The following TAOK3 variants were observed in gnomAD, a reference collection of about 807,000 sequenced individuals.
TAOK3 encodes the protein TAO kinase 3, also known as serine/threonine-protein kinase TAO3.
In TAOK3, 40 loss-of-function variants were observed where a neutral mutation model predicts 120.4. The observed-to-expected ratio is 0.33, with a 90% CI of 0.26 to 0.43. The LOEUF (loss-of-function observed/expected upper bound fraction) is 0.43, where lower values mean the gene tolerates loss of function less well. Among genes scored for constraint, TAOK3 ranks in the 20% least tolerant of loss-of-function variants. TAOK3 has a pLI of 1.00. For missense variants in TAOK3, 821 were observed against 1,112.1 expected (o/e 0.74, Z 3.72); for synonymous variants, 355 against 387.5 (o/e 0.92, Z 0.99).
At chr12:118,369,775 A>G (rs1440846808) in intron 1 of TAOK3, among the ~76,000 whole-genome samples, 1 of 152,214 alleles carries the variant, frequency 6.6e-6, no homozygotes, top group Non-Finnish European at 1.5e-5. Context: ...TACACTCAAT[A>G]CATCTTAAAT....
intron 14 of TAOK3, among the ~76,000 whole-genome samples, chr12:118,184,745 G>A (rs1484398406): frequency 2.0e-5 from 3 of 152,206 alleles, no homozygotes; most frequent in Non-Finnish European, 4.4e-5. Context: ...TCTCAAAAAT[G>A]TGATCAACTA....
chr12:118,159,837 T>C (rs1175056778), intron 19 of TAOK3: 1 of 376,056 alleles, frequency 2.7e-6, no homozygotes, highest in African/African-American at 2.1e-5. Flanking sequence ...GGGAGGGCAG[T>C]CAGTAAAATC....
chr12:118,331,645 CAAAAAAAAA>C (rs57291591), intron 1 of TAOK3, among the ~76,000 whole-genome samples: 2 of 48,006 alleles, frequency 4.2e-5, no homozygotes, highest in African/African-American at 6.0e-5. Flanking sequence ...ACTCTTATCT[CAAAAAAAAA>C]AAAAAAAAAA....
intron 2 of TAOK3, among the ~76,000 whole-genome samples, chr12:118,256,679 T>C (rs1025413904): frequency 1.3e-5 from 2 of 152,196 alleles, no homozygotes; most frequent in East Asian, 3.8e-4. Flanking sequence ...TGATTCCATA[T>C]ATACACACAC....
chr12:118,217,811 G>GTGTGTATATA (rs1353848789), intron 9 of TAOK3, among the ~76,000 whole-genome samples: 11 of 75,398 alleles, frequency 1.5e-4, no homozygotes, highest in South Asian at 4.9e-4. Flanking sequence ...GTGTGTGTGT[G>GTGTGTATATA]TATACATATA....
chr12:118,152,574 C>T, intron 19 of TAOK3, 165 bp from the exon 20 acceptor site: 1 of 629,094 alleles, frequency 1.6e-6, no homozygotes, highest in South Asian at 2.1e-5. Flanking sequence ...GAATCAAAAA[C>T]AGTCAAGTCT....
chr12:118,335,498 C>T (rs2044330827), intron 1 of TAOK3, among the ~76,000 whole-genome samples: 1 of 152,088 alleles, frequency 6.6e-6, no homozygotes, highest in Non-Finnish European at 1.5e-5. Context: ...TTCCCAAGCC[C>T]AGCTGGCTTC....
chr12:118,251,657 T>C (rs1246312150), intron 3 of TAOK3, among the ~76,000 whole-genome samples: 2 of 152,182 alleles, frequency 1.3e-5, no homozygotes, highest in African/African-American at 2.4e-5. Context: ...TCTAGCTAAA[T>C]AGACAGGGCT....
At chr12:118,166,814 G>GTGTGTGTATATATATATATA (rs1555210445) in intron 17 of TAOK3, among the ~76,000 whole-genome samples, 1 of 138,982 alleles carries the variant, frequency 7.2e-6, no homozygotes, top group Non-Finnish European at 1.5e-5. Flanking sequence ...GTGTGTGTGT[G>GTGTGTGTATATATATATATA]TATATATATA....
At chr12:118,248,544 T>A (rs2040616453) in intron 3 of TAOK3, among the ~76,000 whole-genome samples, 1 of 152,126 alleles carries the variant, frequency 6.6e-6, no homozygotes, top group African/African-American at 2.4e-5. Flanking sequence ...ATATATATAG[T>A]GCAGCTTAAG....
intron 1 of TAOK3, among the ~76,000 whole-genome samples, chr12:118,357,988 A>C (rs7313514): frequency 0.08 from 12,107 of 152,258 alleles, 1,242 homozygotes; most frequent in African/African-American, 0.23. Context: ...ATAAGACTTA[A>C]TTTACACATT....
At position 118,150,902 on chromosome 12, in the gene TAOK3, C is replaced by T. The variant is rs1419223598; in HGVS notation, c.*95G>A. ...TAAGAGAGAGAGAGAGTGAGAGCAA[C>T]GCCCGTTAAAATGGGGAATGTGGTT... is the stretch of plus-strand genomic sequence containing the variant. On this transcript the variant is annotated 3_prime_UTR_variant, in exon 21 of 21. Coordinates refer to ENST00000392533, the MANE Select transcript of TAOK3 (RefSeq NM_016281.4). The T allele has an allele frequency of 9.8e-6, 12 of 1,224,520 alleles. No individual in the cohort carries two copies. The highest frequency in any genetic ancestry group is 6.1e-5 in the South Asian group (4 of 65,802). 75.9% of individuals were successfully genotyped at this position (1,224,520 alleles called of 1,614,324 possible).
chr12:118,367,936 G>A (rs968812156), intron 1 of TAOK3, among the ~76,000 whole-genome samples: 2 of 151,944 alleles, frequency 1.3e-5, no homozygotes, highest in East Asian at 1.9e-4. Flanking sequence ...AATACCGGCC[G>A]GCAATGAAAA....
At chr12:118,360,599 T>C (rs572279774) in intron 1 of TAOK3, among the ~76,000 whole-genome samples, 2 of 151,896 alleles carry the variant, frequency 1.3e-5, no homozygotes, top group Admixed American at 1.3e-4. Flanking sequence ...GTATGTGATT[T>C]CATTCAACAA....
At position 118,152,237 on chromosome 12, in the gene TAOK3, A is replaced by G; in HGVS notation, c.2525T>C (p.Leu842Pro). The change falls in exon 20 of 21, where the codon CTT becomes CCT. Residue 842 changes from leucine to proline, a missense_variant. Physicochemically the swap from Leu to Pro is moderately conservative, Grantham distance 98. Coordinates refer to ENST00000392533, the MANE Select transcript of TAOK3 (RefSeq NM_016281.4). ...GTAATGCTCCCTTACCTTCTGCTCA[A>G]GGTGTGCTCTGCGCAGAGACACTCT... ...EQRVSLRRAH[L>P]EQKIEEELAA... 1 of 1,613,406 alleles carries G rather than the reference A, an allele frequency of 6.2e-7. No homozygotes were observed. Among genetic ancestry groups the G allele is most frequent in the Non-Finnish European group, 8.5e-7 (1 of 1,179,480 alleles).
chr12:118,256,409 A>G (rs1299878256), intron 2 of TAOK3, among the ~76,000 whole-genome samples: 1 of 152,216 alleles, frequency 6.6e-6, no homozygotes, highest in Non-Finnish European at 1.5e-5. Context: ...AAGTACACAC[A>G]TACCCCCAAG....
At chr12:118,208,265 A>G (rs2038438755) in intron 11 of TAOK3, among the ~76,000 whole-genome samples, 1 of 152,216 alleles carries the variant, frequency 6.6e-6, no homozygotes, top group Non-Finnish European at 1.5e-5. Context: ...AAATGCATGG[A>G]AAAGATGTAT....
intron 5 of TAOK3, 51 bp downstream of exon 5, chr12:118,243,358 AAAAAAG>A: frequency 1.0e-6 from 1 of 979,128 alleles, no homozygotes; most frequent in East Asian, 2.7e-5. Flanking sequence ...GATAATAGAA[AAAAAAG>A]AAAAAGAAAA....
chr12:118,320,879 C>G (rs1180309338), intron 1 of TAOK3, among the ~76,000 whole-genome samples: 1 of 151,952 alleles, frequency 6.6e-6, no homozygotes, highest in South Asian at 2.1e-4. Context: ...TGGAAACAAC[C>G]CAAATGCCCA....
Sources: gnomAD v4.1 joint callset for allele counts (sites outside exome capture counted in the v4.1 genomes callset) on GRCh38, gnomAD v4.1.1 for gene constraint, MANE v1.5 for transcripts, NCBI Gene and HGNC (gene_info 2026-07-23, HGNC 2026-07-21) for gene names.